The following SSH1 variants were observed in gnomAD, a reference collection of about 807,000 sequenced individuals.
SSH1 encodes the protein protein phosphatase Slingshot homolog 1.
SSH1 carries 43 observed loss-of-function variants against 79.7 expected under a neutral mutation model. The ratio of observed to expected loss-of-function variants is 0.54; its 90% confidence interval spans 0.42 to 0.70. SSH1 has a LOEUF of 0.70. Ranked by LOEUF, SSH1 falls within the 30% of genes least tolerant of loss-of-function variation. The pLI is 0.00. For missense variants in SSH1, 1,206 were observed against 1,358.8 expected (o/e 0.89, Z 1.77); for synonymous variants, 599 against 538.3 (o/e 1.11, Z -1.56).
At chr12:108,798,852 G>C in intron 13 of SSH1, 148 bp downstream of exon 13, 1 of 825,084 alleles carries the variant, frequency 1.2e-6, no homozygotes, top group South Asian at 1.4e-5. Context: ...TCTCAAACTG[G>C]CTCCCCCTGA....
chr12:108,799,059 C>A lies in SSH1; in HGVS notation c.1290G>T (p.Thr430=). The A allele has an allele frequency of 6.2e-7, 1 of 1,614,136 alleles. No homozygotes were observed. Among genetic ancestry groups the A allele is most frequent in the Non-Finnish European group, 8.5e-7 (1 of 1,180,054 alleles). Residue 430 remains threonine, a synonymous_variant, in exon 13 of 15, where the codon ACG becomes ACT. Coordinates refer to ENST00000326495, the MANE Select transcript of SSH1 (RefSeq NM_018984.4). ...YNYVKQKRSI[T]RPNAGFMRQL... ...GCCTCATAAAGCCCGCGTTGGGGCG[C>A]GTGATGCTGCGCTTCTGCTTTACAT... is the stretch of plus-strand genomic sequence containing the variant.
At chr12:108,811,527 A>C in intron 5 of SSH1, 199 bp from the exon 6 acceptor site, 3 of 633,612 alleles carry the variant, frequency 4.7e-6, no homozygotes, top group Non-Finnish European at 8.7e-6. Context: ...GTAAGTGCTC[A>C]GCTGAGGCTT....
In SSH1 at chr12:108,806,359, T is replaced by C. The variant is rs1258583289; in HGVS notation, c.767A>G (p.Lys256Arg). The C allele has an allele frequency of 3.1e-6, 5 of 1,614,054 alleles. No homozygotes were observed. Among genetic ancestry groups the C allele is most frequent in the African/African-American group, 1.3e-5 (1 of 74,920 alleles). Residue 256 changes from lysine (K) to arginine (R), a missense_variant, in exon 9 of 15, where the codon AAA becomes AGA. Physicochemically the swap from Lys to Arg is conservative, Grantham distance 26. Coordinates refer to ENST00000326495, the MANE Select transcript of SSH1 (RefSeq NM_018984.4). ...TEGERTERLI[K>R]AKLRSIMMSQ... ...CATCATGATGCTTCGGAGCTTGGCTTTGATGAGGCGCTCGGTCCTTTCCCC... is the reference window on the plus strand; with the variant it reads ...CATCATGATGCTTCGGAGCTTGGCTCTGATGAGGCGCTCGGTCCTTTCCCC...
At chr12:108,841,408 G>A (rs531714105) in intron 2 of SSH1, among the ~76,000 whole-genome samples, 99 of 152,292 alleles carry the variant, frequency 6.5e-4, no homozygotes, top group African/African-American at 2.2e-3. Context: ...AGCAAAATTC[G>A]TTTTACGTTA....
At chr12:108,809,313 C>T (rs973433358) in intron 7 of SSH1, among the ~76,000 whole-genome samples, 7 of 151,398 alleles carry the variant, frequency 4.6e-5, no homozygotes, top group South Asian at 2.1e-4. Context: ...AAAAGTTAGC[C>T]GGGTGTGGTG....
In SSH1 at chr12:108,799,064, T is replaced by C. The variant is rs144199955; in HGVS notation, c.1285A>G (p.Ile429Val). The C allele has an allele frequency of 6.2e-7, 1 of 1,614,196 alleles. No homozygotes were observed. The highest frequency in any genetic ancestry group is 1.3e-5 in the African/African-American group (1 of 75,080). ...ATAAAGCCCGCGTTGGGGCGCGTGA[T>C]GCTGCGCTTCTGCTTTACATAGTTA... ...AYNYVKQKRS[I>V]TRPNAGFMRQ... is the part of the protein sequence containing the mutation. Residue 429 changes from isoleucine to valine, a missense_variant, in exon 13 of 15, where the codon ATC becomes GTC. Around this residue, in one of 5 missense-constraint regions of SSH1, gnomAD observed 166 missense variants for 262.9 expected, o/e 0.63. Transcript: ENST00000326495.
Position 108,857,477 on chromosome 12 carries a change from T to C in SSH1, c.20A>G (p.Gln7Arg). The C allele has an allele frequency of 1.8e-6, 2 of 1,140,304 alleles. No homozygotes were observed. Among genetic ancestry groups the C allele is most frequent in the Non-Finnish European group, 2.2e-6 (2 of 909,386 alleles). The allele number at this position is 1,140,304 out of a possible 1,614,324, so 70.6% of individuals were successfully genotyped here. ...GGCGGCGCTGGGCGTGGGCGAGCGC[T>C]GCAGGGTCACCAGGGCCATGGCTGC... Reference protein sequence around the residue: MALVTLQRSPTPSAASS... With the variant: MALVTLRRSPTPSAASS... The change falls in exon 1 of 15, where the codon CAG becomes CGG. Residue 7 changes from glutamine to arginine, a missense_variant. Gln to Arg is a conservative substitution (Grantham distance 43). This residue lies in a region of SSH1 where 100 missense variants were observed against 82.3 expected (regional missense o/e 1.21). Transcript: ENST00000326495. The surrounding 1 kb of genome is among the most constrained non-coding windows in gnomAD (Gnocchi z 4.7).
chr12:108,852,773 G>T (rs1281249302), intron 1 of SSH1, 95 bp from the exon 2 acceptor site: 18 of 1,604,988 alleles, frequency 1.1e-5, no homozygotes, highest in African/African-American at 1.3e-5. Context: ...ACTGGAAAAA[G>T]ATAAAGATAT....
chr12:108,856,231 G>T (rs1370629274), intron 1 of SSH1, among the ~76,000 whole-genome samples: 2 of 152,250 alleles, frequency 1.3e-5, no homozygotes, highest in African/African-American at 4.8e-5. Flanking sequence ...TTCAAGAGAT[G>T]GTGGGCAAGA....
intron 2 of SSH1, 126 bp from the exon 3 acceptor site, chr12:108,823,487 T>C: frequency 1.3e-6 from 1 of 768,652 alleles, no homozygotes; most frequent in East Asian, 2.7e-5. Flanking sequence ...AGGATGAAAC[T>C]GCTTTTATAA....
At chr12:108,797,755 C>G (rs1322152677) in intron 13 of SSH1, among the ~76,000 whole-genome samples, 1 of 152,208 alleles carries the variant, frequency 6.6e-6, no homozygotes. Flanking sequence ...CTGCTGAGGG[C>G]TGCTTTCATC....
At chr12:108,831,940 C>T (rs961059882) in intron 2 of SSH1, among the ~76,000 whole-genome samples, 1 of 152,164 alleles carries the variant, frequency 6.6e-6, no homozygotes, top group African/African-American at 2.4e-5. Flanking sequence ...GTTGAGACAT[C>T]GCACTGTCAA....
chr12:108,787,762 G>A lies in SSH1; in HGVS notation c.*226C>T, dbSNP rs550985837. ...GAGCGGAGTTTTGTGTCTCCTGGCCGGCGGCTCCTGGTTCTCCCAGGCCAC... is the reference window on the plus strand; with the variant it reads ...GAGCGGAGTTTTGTGTCTCCTGGCCAGCGGCTCCTGGTTCTCCCAGGCCAC... On this transcript the variant is annotated 3_prime_UTR_variant, in exon 15 of 15. Coordinates refer to ENST00000326495, the MANE Select transcript of SSH1 (RefSeq NM_018984.4). 101 of 594,020 alleles carry A rather than the reference G, an allele frequency of 1.7e-4. No individual in the cohort carries two copies. The highest frequency in any genetic ancestry group is 1.5e-3 in the African/African-American group (79 of 53,836). The allele number at this position is 594,020 out of a possible 1,614,324, so 36.8% of individuals were successfully genotyped here. A position where few individuals can be genotyped will look rare whatever the true frequency, so the allele number is the denominator to read the frequency against.
At chr12:108,817,252 A>G in intron 4 of SSH1, 93 bp from the exon 5 acceptor site, 1 of 1,553,478 alleles carries the variant, frequency 6.4e-7, no homozygotes. Flanking sequence ...TCAGTGTTCT[A>G]CCTTTCCCTC....
rs1252377732 is a variant in SSH1 at position 108,835,928 on chromosome 12, T to C, written c.111-12567A>G. Among the ~76,000 whole-genome samples the C allele has an allele frequency of 2.1e-5, 3 of 146,294 alleles. 1 individual carries two copies. In the East Asian group the frequency reaches 5.8e-4, roughly 28 times the overall value. ...ATAATTAATTATAACTATATTAATATAATCAATTATAACTATATTAATATA... is the reference window on the plus strand; with the variant it reads ...ATAATTAATTATAACTATATTAATACAATCAATTATAACTATATTAATATA... On this transcript the variant is annotated intron_variant, in intron 2 of 14. Coordinates refer to ENST00000326495, the MANE Select transcript of SSH1 (RefSeq NM_018984.4).
At position 108,788,650 on chromosome 12, in the gene SSH1, C is replaced by G. The variant is rs143849820; in HGVS notation, c.2488G>C (p.Glu830Gln). Residue 830 changes from glutamate to glutamine, a missense_variant, in exon 15 of 15, where the codon GAG becomes CAG. Transcript: ENST00000326495. ...GLVRKHTKEL[E>Q]RLKSVPADPA... ...TCTGCAGGCACGCTCTTCAGCCGCT[C>G]TAGCTCTTTGGTGTGCTTGCGGACC... The G allele has an allele frequency of 1.7e-5, 28 of 1,613,930 alleles. No individual in the cohort carries two copies. The highest frequency in any genetic ancestry group is 2.2e-5 in the Non-Finnish European group (26 of 1,180,006).
At chr12:108,819,697 T>C (rs561905286) in intron 3 of SSH1, among the ~76,000 whole-genome samples, 1 of 152,122 alleles carries the variant, frequency 6.6e-6, no homozygotes, top group South Asian at 2.1e-4. Flanking sequence ...GGCTTTCTGG[T>C]TCACATCTGT....
In SSH1 at chr12:108,792,282, C is replaced by T. The variant is rs748695722; in HGVS notation, c.1893+4G>A. ...TGCCACCCTGCAGGCCGGGCTCTGC[C>T]TACCTCCATGCCGTTGGGACAGCTC... On this transcript the variant is annotated splice_donor_region_variant and intron_variant, in intron 14 of 14. Transcript: ENST00000326495. The T allele has an allele frequency of 1.9e-6, 3 of 1,614,138 alleles. No individual in the cohort carries two copies. Among genetic ancestry groups the T allele is most frequent in the Non-Finnish European group, 2.5e-6 (3 of 1,180,014 alleles).
At chr12:108,812,183 T>C (rs1430715006) in intron 5 of SSH1, among the ~76,000 whole-genome samples, 2 of 152,248 alleles carry the variant, frequency 1.3e-5, no homozygotes, top group Non-Finnish European at 2.9e-5. Flanking sequence ...CTCAGGCTTT[T>C]GGGTTGGGCA....
Sources: allele counts gnomAD v4.1 joint callset (sites outside exome capture counted in the v4.1 genomes callset), GRCh38; gene constraint gnomAD v4.1.1; regional missense constraint gnomAD v4.1.1; non-coding constraint Gnocchi (gnomAD v3.1); transcripts MANE v1.5; gene names NCBI Gene and HGNC (gene_info 2026-07-23, HGNC 2026-07-21).